Variants in NAT8L observed in about 807,000 individuals in gnomAD.
The protein encoded by NAT8L is aspartate N-acetyltransferase.
NAT8L carries 6 observed loss-of-function variants against 21.2 expected under a neutral mutation model. The observed-to-expected ratio is 0.28, with a 90% CI of 0.16 to 0.56. NAT8L has a LOEUF of 0.56. NAT8L is among the 20% of genes least tolerant of loss of function. NAT8L has a pLI of 0.93. For synonymous variants in NAT8L, 239 were observed against 204.9 expected (o/e 1.17, Z -1.42); for missense variants, 331 against 433.3 (o/e 0.76, Z 2.10).
rs898340068 is a variant in NAT8L at position 2,066,565 on chromosome 4, C to G, written c.*2438C>G. Reference sequence around the variant, plus strand: ...CGGGTGCCTGGTGGGTGGGCCTGACCTGGCCCACCTCATCCCTCCAGCCTG... The same window carrying G: ...CGGGTGCCTGGTGGGTGGGCCTGACGTGGCCCACCTCATCCCTCCAGCCTG... On this transcript the variant is annotated 3_prime_UTR_variant, in exon 3 of 3. Transcript: ENST00000423729. The G allele has an allele frequency of 1.3e-5, 2 of 152,242 alleles. No homozygotes were observed. Among genetic ancestry groups the G allele is most frequent in the African/African-American group, 2.4e-5 (1 of 41,444 alleles). 9.4% of individuals were successfully genotyped at this position (152,242 alleles called of 1,614,324 possible). A position where few individuals can be genotyped will look rare whatever the true frequency, so the allele number is the denominator to read the frequency against.
rs1729951964 is a variant in NAT8L at position 2,064,307 on chromosome 4, C to T, written c.*180C>T. Reference sequence around the variant, plus strand: ...GTGCGGGGCTGTTGTTCTTCGGCGACACTTTGGTGGGGGTGGGTTGTTTGT... The same window carrying T: ...GTGCGGGGCTGTTGTTCTTCGGCGATACTTTGGTGGGGGTGGGTTGTTTGT... On this transcript the variant is annotated 3_prime_UTR_variant, in exon 3 of 3. Transcript: ENST00000423729. 1 of 296,302 alleles carries T rather than the reference C, an allele frequency of 3.4e-6. No homozygotes were observed. Among genetic ancestry groups the T allele is most frequent in the Non-Finnish European group, 5.7e-6 (1 of 175,414 alleles). 18.4% of individuals were successfully genotyped at this position (296,302 alleles called of 1,614,324 possible).
Position 2,061,173 on chromosome 4 carries a change from C to T in NAT8L, c.541+11C>T, listed in dbSNP as rs1277063691. 3 of 1,602,316 alleles carry T rather than the reference C, an allele frequency of 1.9e-6. No homozygotes were observed. In the South Asian group the frequency reaches 3.3e-5, roughly 18 times the overall value. On this transcript the variant is annotated intron_variant, in intron 2 of 2. Transcript: ENST00000423729. ...ACATGAAGCCGCCCGGTGAGTCCCG[C>T]TCCCGCCGCTCCCCGACCTCCGCCC... is the stretch of plus-strand genomic sequence containing the variant.
In NAT8L at chr4:2,064,842, C is replaced by T. The variant is rs1729966017; in HGVS notation, c.*715C>T. ...CTGCCTGGGCTGTGCTGACTGGTGT[C>T]ATCACCCAGGTGACTCCCATGGCGT... is the stretch of plus-strand genomic sequence containing the variant. On this transcript the variant is annotated 3_prime_UTR_variant, in exon 3 of 3. Transcript: ENST00000423729. 6.5e-6 allele frequency: 1 copy of T among 152,874 alleles called. No homozygotes were observed. The highest frequency in any genetic ancestry group is 2.4e-5 in the African/African-American group (1 of 41,476). The allele number at this position is 152,874 out of a possible 1,614,324, so 9.5% of individuals were successfully genotyped here.
chr4:2,062,109 C>T (rs1288081563), intron 2 of NAT8L, among the ~76,000 whole-genome samples: 1 of 152,170 alleles, frequency 6.6e-6, no homozygotes, highest in South Asian at 2.1e-4. Flanking sequence ...ACAGGGGGCT[C>T]CGGTGGGCAC....
At position 2,067,816 on chromosome 4, in the gene NAT8L, T is replaced by G. The variant is rs1245808591; in HGVS notation, c.*3689T>G. ...GGCGCTGCAGTCGCGCACCCTGTGTTGCCTGCTGACTTGCTTATGTCTGTT... is the reference window on the plus strand; with the variant it reads ...GGCGCTGCAGTCGCGCACCCTGTGTGGCCTGCTGACTTGCTTATGTCTGTT... On this transcript the variant is annotated 3_prime_UTR_variant, in exon 3 of 3. Transcript: ENST00000423729. The G allele has an allele frequency of 1.3e-5, 2 of 152,312 alleles. No individual in the cohort carries two copies. The highest frequency in any genetic ancestry group is 2.9e-5 in the Non-Finnish European group (2 of 68,084). 9.4% of individuals were successfully genotyped at this position (152,312 alleles called of 1,614,324 possible). A position where few individuals can be genotyped will look rare whatever the true frequency, so the allele number is the denominator to read the frequency against.
chr4:2,062,358 C>T (rs898509418), intron 2 of NAT8L, among the ~76,000 whole-genome samples: 1 of 152,086 alleles, frequency 6.6e-6, no homozygotes, highest in African/African-American at 2.4e-5. Context: ...CCTGATCTCT[C>T]GTCTTGCCTG....
chr4:2,063,753 C>T lies in NAT8L; in HGVS notation c.542-7C>T, dbSNP rs1218849309. The T allele has an allele frequency of 1.2e-6, 2 of 1,610,678 alleles. No individual in the cohort carries two copies. The highest frequency in any genetic ancestry group is 1.7e-6 in the Non-Finnish European group (2 of 1,179,830). ...CCGGGTGTCCCTGACCGCCCTATCCCCTGCAGGCTCCTGCTTCTGGGTGGC... is the reference window on the plus strand; with the variant it reads ...CCGGGTGTCCCTGACCGCCCTATCCTCTGCAGGCTCCTGCTTCTGGGTGGC... On this transcript the variant is annotated splice_region_variant and splice_polypyrimidine_tract_variant and intron_variant, in intron 2 of 2. Transcript: ENST00000423729.
rs903081255 is a variant in NAT8L, at chr4:2,059,376, T to TGCCGCCGCCGCCGCCGCC, written c.-133_-116dup. 1 of 163,302 alleles carries TGCCGCCGCCGCCGCCGCC rather than the reference T, an allele frequency of 6.1e-6. No homozygotes were observed. Among genetic ancestry groups the TGCCGCCGCCGCCGCCGCC allele is most frequent in the African/African-American group, 2.5e-5 (1 of 39,304 alleles). 10.1% of individuals were successfully genotyped at this position (163,302 alleles called of 1,614,324 possible). A position where few individuals can be genotyped will look rare whatever the true frequency, so the allele number is the denominator to read the frequency against. ...CCGCCTCCGCCCCGCGCCCCTGAGC[T>TGCCGCCGCCGCCGCCGCC]GCCGCCGCCGCCGCCGCCGCTGCCG... On this transcript the variant is annotated 5_prime_UTR_variant, in exon 1 of 3. Transcript: ENST00000423729. The surrounding 1 kb of genome is among the most constrained non-coding windows in gnomAD (Gnocchi z 4.8).
rs909446198 is a variant in NAT8L at position 2,064,894 on chromosome 4, A to G, written c.*767A>G. 2.6e-5 allele frequency: 4 copies of G among 152,452 alleles called. No homozygotes were observed. Among genetic ancestry groups the G allele is most frequent in the Non-Finnish European group, 5.9e-5 (4 of 68,102 alleles). 9.4% of individuals were successfully genotyped at this position (152,452 alleles called of 1,614,324 possible). ...CGTGGCACAGCCAGGGTGGGGGTCC[A>G]TGGGACCCCTCTCCCCAGTGCCCAC... On this transcript the variant is annotated 3_prime_UTR_variant, in exon 3 of 3. Coordinates refer to ENST00000423729, the MANE Select transcript of NAT8L (RefSeq NM_178557.4).
chr4:2,061,163 G>C lies in NAT8L; in HGVS notation c.541+1G>C. On this transcript the variant is annotated splice_donor_variant, in intron 2 of 2. Coordinates refer to ENST00000423729, the MANE Select transcript of NAT8L (RefSeq NM_178557.4). LOFTEE classifies it high-confidence loss of function. ...GAGCAGTACTACATGAAGCCGCCCGGTGAGTCCCGCTCCCGCCGCTCCCCG... is the reference window on the plus strand; with the variant it reads ...GAGCAGTACTACATGAAGCCGCCCGCTGAGTCCCGCTCCCGCCGCTCCCCG... 1 of 1,609,620 alleles carries C rather than the reference G, an allele frequency of 6.2e-7. No homozygotes were observed. The highest frequency in any genetic ancestry group is 8.5e-7 in the Non-Finnish European group (1 of 1,178,380).
rs1273097067 is a variant in NAT8L at position 2,064,214 on chromosome 4, G to A, written c.*87G>A. On this transcript the variant is annotated 3_prime_UTR_variant, in exon 3 of 3. Coordinates refer to ENST00000423729, the MANE Select transcript of NAT8L (RefSeq NM_178557.4). The stretch of plus-strand genomic sequence containing the variant: ...CGCCCGGCGCGGCCTGCTTTCAGAC[G>A]CTCAATTGGCGTTTGTGTTGGGTTT... 1.2e-5 allele frequency: 12 copies of A among 974,860 alleles called. No homozygotes were observed. The highest frequency in any genetic ancestry group is 1.1e-4 in the South Asian group (3 of 27,764). 60.4% of individuals were successfully genotyped at this position (974,860 alleles called of 1,614,324 possible).
In NAT8L at chr4:2,063,327, C is replaced by T. The variant is rs562597207; in HGVS notation, c.542-433C>T. Among the ~76,000 whole-genome samples the T allele has an allele frequency of 3.9e-5, 6 of 152,352 alleles. No individual in the cohort carries two copies. In the South Asian group the frequency reaches 1.0e-3, roughly 26 times the overall value. On this transcript the variant is annotated intron_variant, in intron 2 of 2. Transcript: ENST00000423729. ...GCACCATGGCCTGTTCAGGGTGGCC[C>T]GGGCCATCAAGGCATTTGGTCTGGG...
Position 2,063,456 on chromosome 4 carries a change from C to G in NAT8L, c.542-304C>G, listed in dbSNP as rs1729930703. On this transcript the variant is annotated intron_variant, in intron 2 of 2. Transcript: ENST00000423729. The stretch of plus-strand genomic sequence containing the variant: ...TTGACCACTACTCTGAGCAGCGCAG[C>G]CTCCAGGCTTGAGTGGGTCCTGGCT... Among the ~76,000 whole-genome samples, 3 of 152,266 alleles carry G rather than the reference C, an allele frequency of 2.0e-5. No individual in the cohort carries two copies. The South Asian group carries it at 6.2e-4, about 31-fold the overall frequency.
In NAT8L at chr4:2,068,534, T is replaced by A. The variant is rs1730054175; in HGVS notation, c.*4407T>A. The A allele has an allele frequency of 6.6e-6, 1 of 152,384 alleles. No individual in the cohort carries two copies. Among genetic ancestry groups the A allele is most frequent in the Non-Finnish European group, 1.5e-5 (1 of 68,160 alleles). The allele number at this position is 152,384 out of a possible 1,614,324, so 9.4% of individuals were successfully genotyped here. A position where few individuals can be genotyped will look rare whatever the true frequency, so the allele number is the denominator to read the frequency against. Reference sequence around the variant, plus strand: ...TACTTTGTGTGTGGGCATGTATGCGTATGAGTACTTGTGTGTGGCTGGTGT... The same window carrying A: ...TACTTTGTGTGTGGGCATGTATGCGAATGAGTACTTGTGTGTGGCTGGTGT... On this transcript the variant is annotated 3_prime_UTR_variant, in exon 3 of 3. Coordinates refer to ENST00000423729, the MANE Select transcript of NAT8L (RefSeq NM_178557.4).
Position 2,066,564 on chromosome 4 carries a change from C to G in NAT8L, c.*2437C>G, listed in dbSNP as rs1730003701. 1 of 152,212 alleles carries G rather than the reference C, an allele frequency of 6.6e-6. No individual in the cohort carries two copies. The highest frequency in any genetic ancestry group is 2.1e-4 in the South Asian group (1 of 4,838). 9.4% of individuals were successfully genotyped at this position (152,212 alleles called of 1,614,324 possible). On this transcript the variant is annotated 3_prime_UTR_variant, in exon 3 of 3. Transcript: ENST00000423729. ...CCGGGTGCCTGGTGGGTGGGCCTGA[C>G]CTGGCCCACCTCATCCCTCCAGCCT...
At position 2,061,917 on chromosome 4, in the gene NAT8L, G is replaced by A. The variant is rs141653819; in HGVS notation, c.541+755G>A. 1.7e-4 allele frequency among the ~76,000 whole-genome samples: 26 copies of A among 152,270 alleles called. 2 individuals are homozygous for A. The East Asian group carries it at 5.0e-3, about 29-fold the overall frequency. Reference sequence around the variant, plus strand: ...CTGTCAGGAGCCCGGTCAGTGTCAGGGGAGGGGCAGTGTCTGGCACCGCTG... The same window carrying A: ...CTGTCAGGAGCCCGGTCAGTGTCAGAGGAGGGGCAGTGTCTGGCACCGCTG... On this transcript the variant is annotated intron_variant, in intron 2 of 2. Coordinates refer to ENST00000423729, the MANE Select transcript of NAT8L (RefSeq NM_178557.4).
intron 2 of NAT8L, among the ~76,000 whole-genome samples, chr4:2,063,337 A>G (rs772387200): frequency 6.6e-6 from 1 of 152,232 alleles, no homozygotes; most frequent in Non-Finnish European, 1.5e-5. Context: ...CGGGCCATCA[A>G]GGCATTTGGT....
chr4:2,060,967 C>A lies in NAT8L; in HGVS notation c.377-31C>A. The A allele has an allele frequency of 7.4e-7, 1 of 1,346,490 alleles. No homozygotes were observed. The highest frequency in any genetic ancestry group is 1.3e-5 in the South Asian group (1 of 75,540). The allele number at this position is 1,346,490 out of a possible 1,614,324, so 83.4% of individuals were successfully genotyped here. A position where few individuals can be genotyped will look rare whatever the true frequency, so the allele number is the denominator to read the frequency against. ...GTCTCTGGGGCCTGGGGACCCCCGC[C>A]GCGCCGCTGACCCGCGCCCTCTGCC... On this transcript the variant is annotated intron_variant, in intron 1 of 2. Transcript: ENST00000423729. The surrounding 1 kb of genome is among the most constrained non-coding windows in gnomAD (Gnocchi z 4.7).
Position 2,059,557 on chromosome 4 carries a change from G to A in NAT8L, c.46G>A (p.Ala16Thr). 1.0e-6 allele frequency: 1 copy of A among 1,001,310 alleles called. No individual in the cohort carries two copies. Among genetic ancestry groups the A allele is most frequent in the Non-Finnish European group, 1.2e-6 (1 of 839,276 alleles). 62.0% of individuals were successfully genotyped at this position (1,001,310 alleles called of 1,614,324 possible). A position where few individuals can be genotyped will look rare whatever the true frequency, so the allele number is the denominator to read the frequency against. The change falls in exon 1 of 3, where the codon GCC (alanine) becomes ACC (threonine). Residue 16 changes from alanine (A) to threonine (T), a missense_variant. Ala to Thr is a moderately conservative substitution (Grantham distance 58). This residue lies in a region of NAT8L where 199 missense variants were observed against 196.1 expected (regional missense o/e 1.01). Transcript: ENST00000423729. This position sits in a 1 kb window ranked among gnomAD's most constrained non-coding sequence, Gnocchi z 4.8. ...CATGGTCTGCGAGACGAAGATCGTG[G>A]CCGCCGAGGACCATGAGGCGCTGCC... ...PDMVCETKIV[A>T]AEDHEALPGA...
Sources: allele counts gnomAD v4.1 joint callset (sites outside exome capture counted in the v4.1 genomes callset), GRCh38; gene constraint gnomAD v4.1.1; regional missense constraint gnomAD v4.1.1; non-coding constraint Gnocchi (gnomAD v3.1); transcripts MANE v1.5; gene names NCBI Gene and HGNC (gene_info 2026-07-23, HGNC 2026-07-21).